AMPH: variants seen among roughly 807,000 people sequenced by gnomAD.
AMPH encodes amphiphysin, also known as amphiphysin (Stiff-Mann syndrome with breast cancer 128kD autoantigen).
Under a neutral mutation model 99.1 loss-of-function variants are expected in AMPH, and 49 were observed. That is an observed-to-expected ratio of 0.49 (90% confidence interval 0.39 to 0.63). AMPH has a LOEUF of 0.63. Ranked by LOEUF, AMPH falls within the 20% of genes least tolerant of loss-of-function variation. The pLI is 0.00. For synonymous variants in AMPH, 314 were observed against 317.3 expected (o/e 0.99, Z 0.11); for missense variants, 759 against 863.4 (o/e 0.88, Z 1.52).
Position 38,534,889 on chromosome 7 carries a change from T to G in AMPH, c.150+42A>C, listed in dbSNP as rs750185703. On this transcript the variant is annotated intron_variant, in intron 2 of 20. Transcript: ENST00000356264. ...CTTACATACTAAGACACAAACACAT[T>G]TAAACAATTTCCCACTCCAGAAACT... The G allele has an allele frequency of 1.9e-6, 3 of 1,553,046 alleles. No homozygotes were observed. In the African/African-American group the frequency reaches 4.1e-5, roughly 21 times the overall value.
chr7:38,589,688 T>C (rs548819638), intron 1 of AMPH, among the ~76,000 whole-genome samples: 90 of 152,238 alleles, frequency 5.9e-4, no homozygotes, highest in Non-Finnish European at 1.2e-3. Flanking sequence ...GGCTTTGCAT[T>C]TGATTGCTGA....
chr7:38,486,955 C>T (rs1048719666), intron 5 of AMPH, among the ~76,000 whole-genome samples: 1 of 152,068 alleles, frequency 6.6e-6, no homozygotes, highest in African/African-American at 2.4e-5. Context: ...ATATGAAAAG[C>T]TTACAGTTAA....
intron 9 of AMPH, among the ~76,000 whole-genome samples, chr7:38,463,680 T>C (rs1296299298): frequency 3.9e-5 from 6 of 152,354 alleles, no homozygotes; most frequent in East Asian, 1.9e-4. Flanking sequence ...AACTCACTAA[T>C]TATTTCTCTT....
intron 11 of AMPH, among the ~76,000 whole-genome samples, chr7:38,452,795 A>G (rs1787085838): frequency 6.6e-6 from 1 of 152,238 alleles, no homozygotes; most frequent in Non-Finnish European, 1.5e-5. Flanking sequence ...CATTTTCCTC[A>G]GAAATGCAGA....
At position 38,384,736 on chromosome 7, in the gene AMPH, T is replaced by C. The variant is rs1784304064; in HGVS notation, c.*82A>G. ...ATCAGTCTGTAAATCATTAAGAGCA[T>C]AATAACAAAAGTGAACTCTTCAGGT... On this transcript the variant is annotated 3_prime_UTR_variant, in exon 21 of 21. Transcript: ENST00000356264. The C allele has an allele frequency of 8.6e-7, 1 of 1,156,792 alleles. No homozygotes were observed. The highest frequency in any genetic ancestry group is 1.3e-6 in the Non-Finnish European group (1 of 772,944). 71.7% of individuals were successfully genotyped at this position (1,156,792 alleles called of 1,614,324 possible).
At position 38,384,484 on chromosome 7, in the gene AMPH, C is replaced by T. The variant is rs188987672; in HGVS notation, c.*334G>A. On this transcript the variant is annotated 3_prime_UTR_variant, in exon 21 of 21. Transcript: ENST00000356264. ...TCTTCTGCAGGGCAGCCACTCAATA[C>T]GATACACCTGATGCAGAGAAATTAA... 7.3e-4 allele frequency: 164 copies of T among 224,814 alleles called. No individual in the cohort carries two copies. The highest frequency in any genetic ancestry group is 2.7e-3 in the African/African-American group (122 of 45,304). 13.9% of individuals were successfully genotyped at this position (224,814 alleles called of 1,614,324 possible). A position where few individuals can be genotyped will look rare whatever the true frequency, so the allele number is the denominator to read the frequency against.
At chr7:38,420,207 A>G (rs970225433) in intron 16 of AMPH, among the ~76,000 whole-genome samples, 3 of 152,246 alleles carry the variant, frequency 2.0e-5, no homozygotes, top group Non-Finnish European at 4.4e-5. Flanking sequence ...ATGGTTATAT[A>G]TAAAATCAGC....
intron 12 of AMPH, among the ~76,000 whole-genome samples, chr7:38,434,826 T>C (rs533370934): frequency 6.6e-6 from 1 of 152,284 alleles, no homozygotes; most frequent in South Asian, 2.1e-4. Context: ...GAGAAATCTC[T>C]GAGAAGGAAG....
chr7:38,618,523 G>A (rs1406898995), intron 1 of AMPH, among the ~76,000 whole-genome samples: 1 of 150,848 alleles, frequency 6.6e-6, no homozygotes, highest in African/African-American at 2.4e-5. Context: ...AAAAAAAAGA[G>A]TTGCATAAAG....
chr7:38,594,955 T>C (rs567064623), intron 1 of AMPH, among the ~76,000 whole-genome samples: 1 of 152,316 alleles, frequency 6.6e-6, no homozygotes, highest in South Asian at 2.1e-4. Flanking sequence ...GAAAGAATTT[T>C]AAGACGGATG....
At position 38,391,836 on chromosome 7, in the gene AMPH, G is replaced by A. The variant is rs1784504908; in HGVS notation, c.1790C>T (p.Thr597Met). The A allele has an allele frequency of 3.1e-6, 5 of 1,613,512 alleles. No individual in the cohort carries two copies. Among genetic ancestry groups the A allele is most frequent in the South Asian group, 2.2e-5 (2 of 91,024 alleles). Residue 597 changes from threonine to methionine, a missense_variant, in exon 19 of 21, where the codon ACG becomes ATG. By Grantham distance (81) the Thr-to-Met change is moderately conservative. Around this residue, in one of 2 missense-constraint regions of AMPH, gnomAD observed 554 missense variants for 575.6 expected, o/e 0.96. Coordinates refer to ENST00000356264, the MANE Select transcript of AMPH (RefSeq NM_001635.4). ...EQKPIQDPQP[T>M]PSAPAMGAAD... ...AGCCCCCATGGCTGGTGCAGAAGGC[G>A]TGGGCTGAGGGTCCTGGATAGGCTT...
intron 1 of AMPH, among the ~76,000 whole-genome samples, chr7:38,617,488 C>T (rs745423351): frequency 3.9e-5 from 6 of 152,166 alleles, no homozygotes; most frequent in Admixed American, 2.0e-4. Context: ...GCGTGCACCA[C>T]GCATTTATGT....
At chr7:38,584,016 C>T (rs1329337889) in intron 1 of AMPH, among the ~76,000 whole-genome samples, 1 of 152,220 alleles carries the variant, frequency 6.6e-6, no homozygotes, top group Non-Finnish European at 1.5e-5. Flanking sequence ...TAGCAACAAT[C>T]TAAATCCATG....
chr7:38,497,141 C>A (rs1421328676), intron 3 of AMPH, among the ~76,000 whole-genome samples: 1 of 152,058 alleles, frequency 6.6e-6, no homozygotes, highest in Non-Finnish European at 1.5e-5. Context: ...GATGGATACA[C>A]AGGTGAAAGG....
At chr7:38,625,444 C>T (rs549006938) in intron 1 of AMPH, among the ~76,000 whole-genome samples, 1 of 152,092 alleles carries the variant, frequency 6.6e-6, no homozygotes, top group East Asian at 1.9e-4. Flanking sequence ...AAACAAAAAG[C>T]TGCATGAAAA....
intron 5 of AMPH, 60 bp from the exon 6 acceptor site, chr7:38,477,029 C>T: frequency 6.8e-7 from 1 of 1,462,572 alleles, no homozygotes; most frequent in South Asian, 1.1e-5. Flanking sequence ...CTCCCTTTGA[C>T]AGCCAGGTGC....
chr7:38,471,445 T>C (rs537958931), intron 7 of AMPH, among the ~76,000 whole-genome samples: 2 of 152,210 alleles, frequency 1.3e-5, no homozygotes, highest in Non-Finnish European at 2.9e-5. Flanking sequence ...AAATTGAACC[T>C]GCATCCCCCT....
Position 38,436,291 on chromosome 7 carries a change from G to T in AMPH, c.1115C>A (p.Thr372Asn), listed in dbSNP as rs777520653. The T allele has an allele frequency of 6.2e-7, 1 of 1,614,056 alleles. No individual in the cohort carries two copies. The highest frequency in any genetic ancestry group is 2.2e-5 in the East Asian group (1 of 44,880). The change falls in exon 12 of 21, where the codon ACC (threonine) becomes AAC (asparagine). Residue 372 changes from threonine (T) to asparagine (N), a missense_variant. Coordinates refer to ENST00000356264, the MANE Select transcript of AMPH (RefSeq NM_001635.4). ...EVTPAGSAGV[T>N]HSPMSQTLPW... The stretch of plus-strand genomic sequence containing the variant: ...TGATACCTGAGACATGGGTGAGTGG[G>T]TCACTCCAGCAGAACCTGCAGGTGT...
chr7:38,391,080 A>T lies in AMPH; in HGVS notation c.1878+668T>A, dbSNP rs78419916. ...ATTTTTAAATGTAAAATCAAATTTA[A>T]AAACTTAAAATTCCTTTTCAGATTC... On this transcript the variant is annotated intron_variant, in intron 19 of 20. Transcript: ENST00000356264. Among the ~76,000 whole-genome samples the T allele has an allele frequency of 8.0e-3, 1,217 of 152,028 alleles. 72 individuals are homozygous for T. In the East Asian group the frequency reaches 0.16, roughly 20 times the overall value.
Sources: allele counts gnomAD v4.1 joint callset (sites outside exome capture counted in the v4.1 genomes callset), GRCh38; gene constraint gnomAD v4.1.1; regional missense constraint gnomAD v4.1.1; transcripts MANE v1.5; gene names NCBI Gene and HGNC (gene_info 2026-07-23, HGNC 2026-07-21).